Variants in LRFN5 observed in about 807,000 individuals in gnomAD.
The protein encoded by LRFN5 is leucine rich repeat and fibronectin type III domain containing 5.
Under a neutral mutation model 45.6 loss-of-function variants are expected in LRFN5, and 24 were observed. That is an observed-to-expected ratio of 0.53 (90% CI 0.38 to 0.74). LRFN5 has a LOEUF of 0.74. Ranked by LOEUF, LRFN5 falls within the 30% of genes least tolerant of loss-of-function variation. The pLI is 0.00. For missense variants in LRFN5, 776 were observed against 861.5 expected, an observed-to-expected ratio of 0.90 and a Z score of 1.24; for synonymous variants, 340 against 313.8, an observed-to-expected ratio of 1.08 and a Z score of -0.88.
At chr14:41,793,269 CACA>C (rs1390097185) in intron 2 of LRFN5, among the ~76,000 whole-genome samples, 3 of 152,018 alleles carry the variant, frequency 2.0e-5, no homozygotes, top group African/African-American at 7.2e-5. Flanking sequence ...CCTGACTTCC[CACA>C]ACAATTAATT....
intron 5 of LRFN5, among the ~76,000 whole-genome samples, chr14:41,902,805 T>C (rs902214366): frequency 2.0e-5 from 3 of 151,768 alleles, no homozygotes; most frequent in Admixed American, 1.3e-4. Flanking sequence ...CATAACACCT[T>C]TTTTGTGTCA....
intron 1 of LRFN5, among the ~76,000 whole-genome samples, chr14:41,747,846 G>A (rs2138836230): frequency 6.6e-6 from 1 of 151,850 alleles, no homozygotes; most frequent in East Asian, 1.9e-4. Flanking sequence ...AATAGATGAA[G>A]GCCTTCAACA....
At chr14:41,724,605 A>C (rs1883852845) in intron 1 of LRFN5, among the ~76,000 whole-genome samples, 1 of 152,216 alleles carries the variant, frequency 6.6e-6, no homozygotes, top group African/African-American at 2.4e-5. Flanking sequence ...GGTTGTTTTA[A>C]GTAGCAAAAT....
intron 1 of LRFN5, among the ~76,000 whole-genome samples, chr14:41,645,336 G>A (rs1317586282): frequency 2.0e-5 from 3 of 152,162 alleles, no homozygotes; most frequent in African/African-American, 7.2e-5. Flanking sequence ...CCAGGTTCAA[G>A]TGGTCGTCCT....
chr14:41,867,763 T>C (rs1464178430), intron 2 of LRFN5, among the ~76,000 whole-genome samples: 1 of 152,064 alleles, frequency 6.6e-6, no homozygotes, highest in African/African-American at 2.4e-5. Flanking sequence ...TTGTCACTTC[T>C]CACCTTTTTT....
chr14:41,748,685 C>T (rs992003929), intron 1 of LRFN5, among the ~76,000 whole-genome samples: 4 of 151,712 alleles, frequency 2.6e-5, no homozygotes, highest in Admixed American at 2.0e-4. Flanking sequence ...ATTAAAAACT[C>T]AGAAAAAAAT....
chr14:41,750,843 C>G (rs1226134203), intron 1 of LRFN5, among the ~76,000 whole-genome samples: 3 of 151,826 alleles, frequency 2.0e-5, no homozygotes, highest in African/African-American at 7.3e-5. Context: ...ATTATTATAC[C>G]TTAAGTTCTA....
At position 41,725,931 on chromosome 14, in the gene LRFN5, T is replaced by G. The variant is rs146190416; in HGVS notation, c.-196-40923T>G. On this transcript the variant is annotated intron_variant, in intron 1 of 5. Transcript: ENST00000298119. ...TGTTAGAAAATGTTACTGTTCAAAG[T>G]GTTTACCTCTTATCTCCTAAACAGG... Among the ~76,000 whole-genome samples the G allele has an allele frequency of 1.2e-3, 184 of 152,330 alleles. 3 individuals carry two copies. The highest frequency in any genetic ancestry group is 4.2e-3 in the African/African-American group (173 of 41,582).
intron 2 of LRFN5, among the ~76,000 whole-genome samples, chr14:41,803,854 G>T (rs10135896): frequency 0.013 from 2,045 of 151,940 alleles, 27 homozygotes; most frequent in Non-Finnish European, 0.021. Flanking sequence ...CAGAAAGCCA[G>T]AGTTTTTTTC....
intron 1 of LRFN5, among the ~76,000 whole-genome samples, chr14:41,712,006 TAA>T (rs964057574): frequency 6.6e-6 from 1 of 152,100 alleles, no homozygotes; most frequent in African/African-American, 2.4e-5. Flanking sequence ...ATGTTGTAAT[TAA>T]AAATCCATCC....
Position 41,822,853 on chromosome 14 carries a change from G to GTTT in LRFN5, c.-21+55837_-21+55839dup, listed in dbSNP as rs3032270. Among the ~76,000 whole-genome samples, 4,814 of 136,074 alleles carry GTTT rather than the reference G, an allele frequency of 0.035. 463 individuals carry two copies. The East Asian group carries it at 0.39, about 11-fold the overall frequency. 89.3% of individuals were successfully genotyped at this position (136,074 alleles called of 152,430 possible). A position where few individuals can be genotyped will look rare whatever the true frequency, so the allele number is the denominator to read the frequency against. On this transcript the variant is annotated intron_variant, in intron 2 of 5. Coordinates refer to ENST00000298119, the MANE Select transcript of LRFN5 (RefSeq NM_152447.5). The stretch of plus-strand genomic sequence containing the variant: ...ATTGGTTGCATATATATTTAGGGTT[G>GTTT]TTTTTTTTTTTTTTTGCTGCATTGA...
intron 1 of LRFN5, among the ~76,000 whole-genome samples, chr14:41,748,813 G>T (rs558636125): frequency 1.3e-5 from 2 of 151,930 alleles, no homozygotes; most frequent in Non-Finnish European, 2.9e-5. Context: ...GCATTTAAAG[G>T]TAATCATTAC....
At chr14:41,811,635 C>T (rs1300818326) in intron 2 of LRFN5, among the ~76,000 whole-genome samples, 1 of 152,018 alleles carries the variant, frequency 6.6e-6, no homozygotes, top group East Asian at 1.9e-4. Flanking sequence ...CATGAATCTT[C>T]ATCACACTAA....
At chr14:41,780,407 TG>T (rs1311455331) in intron 2 of LRFN5, among the ~76,000 whole-genome samples, 2 of 152,064 alleles carry the variant, frequency 1.3e-5, no homozygotes, top group African/African-American at 4.8e-5. Flanking sequence ...CCTGAAGAAT[TG>T]ACAGCTTTCT....
chr14:41,713,586 A>G (rs1883371373), intron 1 of LRFN5, among the ~76,000 whole-genome samples: 1 of 152,140 alleles, frequency 6.6e-6, no homozygotes, highest in South Asian at 2.1e-4. Context: ...TGTATTTGCC[A>G]GAAGAGGAAA....
intron 1 of LRFN5, among the ~76,000 whole-genome samples, chr14:41,690,917 GT>G (rs1235346874): frequency 1.3e-5 from 2 of 151,874 alleles, no homozygotes; most frequent in East Asian, 3.9e-4. Context: ...GTGAACTCTT[GT>G]TTATATTTTT....
chr14:41,706,715 T>A (rs1465266649), intron 1 of LRFN5, among the ~76,000 whole-genome samples: 2 of 152,222 alleles, frequency 1.3e-5, no homozygotes, highest in Non-Finnish European at 2.9e-5. Context: ...GTTTGCGGGC[T>A]TTTGTTTTGC....
intron 1 of LRFN5, among the ~76,000 whole-genome samples, chr14:41,678,429 G>C (rs189594599): frequency 3.5e-4 from 53 of 152,096 alleles, no homozygotes; most frequent in South Asian, 6.2e-4. Context: ...GGGAGAAATA[G>C]ACAATTCAGC....
chr14:41,709,909 T>A (rs1883215742), intron 1 of LRFN5, among the ~76,000 whole-genome samples: 1 of 152,048 alleles, frequency 6.6e-6, no homozygotes, highest in Admixed American at 6.6e-5. Context: ...TTACTATAGA[T>A]GTAAATATAC....
Sources: gnomAD v4.1 joint callset for allele counts (sites outside exome capture counted in the v4.1 genomes callset) on GRCh38, gnomAD v4.1.1 for gene constraint, MANE v1.5 for transcripts, NCBI Gene and HGNC (gene_info 2026-07-23, HGNC 2026-07-21) for gene names.